LARP1: variants seen among roughly 807,000 people sequenced by gnomAD.
LARP1 encodes the protein La ribonucleoprotein 1, translational regulator, also known as la-related protein 1.
In LARP1, 36 loss-of-function variants were observed where a neutral mutation model predicts 122.7. The observed-to-expected ratio is 0.29, with a 90% confidence interval of 0.22 to 0.39. The LOEUF (loss-of-function observed/expected upper bound fraction) is 0.39, where lower values mean the gene tolerates loss of function less well. Among genes scored for constraint, LARP1 ranks in the 10% least tolerant of loss-of-function variants. LARP1 has a pLI of 1.00. For synonymous variants in LARP1, 539 were observed against 528.7 expected (o/e 1.02, Z -0.27); for missense variants, 1,040 against 1,403.6 (o/e 0.74, Z 4.14).
At chr5:154,727,292 G>A (rs1756280138) in intron 1 of LARP1, among the ~76,000 whole-genome samples, 1 of 151,966 alleles carries the variant, frequency 6.6e-6, no homozygotes. Context: ...ACGTAACTAG[G>A]GCCTATTATG....
At chr5:154,702,203 G>C (rs1172739963) in intron 1 of LARP1, among the ~76,000 whole-genome samples, 1 of 152,168 alleles carries the variant, frequency 6.6e-6, no homozygotes, top group African/African-American at 2.4e-5. Flanking sequence ...ATTCTGGCCA[G>C]GTTGGCCCCA....
chr5:154,738,736 A>G (rs894781374), intron 1 of LARP1, among the ~76,000 whole-genome samples: 16 of 152,094 alleles, frequency 1.1e-4, no homozygotes, highest in African/African-American at 3.9e-4. Flanking sequence ...ATGAGATAGG[A>G]CACAGATGTA....
At chr5:154,748,637 A>G (rs1753326290) in intron 1 of LARP1, among the ~76,000 whole-genome samples, 1 of 152,218 alleles carries the variant, frequency 6.6e-6, no homozygotes, top group African/African-American at 2.4e-5. Flanking sequence ...AATAAAAGTA[A>G]TGAAAGGGAA....
At chr5:154,767,208 G>T (rs936604640) in intron 1 of LARP1, among the ~76,000 whole-genome samples, 5 of 152,214 alleles carry the variant, frequency 3.3e-5, no homozygotes, top group African/African-American at 1.2e-4. Flanking sequence ...GCTATAGCTG[G>T]AGTGCCCACG....
At chr5:154,750,881 G>A (rs575985434), upstream of LARP1, among the ~76,000 whole-genome samples, 2 of 152,288 alleles carry the variant, frequency 1.3e-5, no homozygotes, top group Admixed American at 6.5e-5. Context: ...CCAAAGTGCC[G>A]GGATTACAGG....
In LARP1 at chr5:154,814,280, C is replaced by T. The variant is rs923229160; in HGVS notation, c.*184C>T. On this transcript the variant is annotated 3_prime_UTR_variant, in exon 19 of 19. Transcript: ENST00000518297. ...ATCAGAGGTACCCCTGGGCAGGAGC[C>T]TCTACATCCCCTTCCCCCTCCTCTC... 23 of 572,046 alleles carry T rather than the reference C, an allele frequency of 4.0e-5. No individual in the cohort carries two copies. Among genetic ancestry groups the T allele is most frequent in the African/African-American group, 3.4e-4 (18 of 53,254 alleles). 35.4% of individuals were successfully genotyped at this position (572,046 alleles called of 1,614,324 possible). A position where few individuals can be genotyped will look rare whatever the true frequency, so the allele number is the denominator to read the frequency against.
intron 1 of LARP1, among the ~76,000 whole-genome samples, chr5:154,783,190 A>C (rs1230327196): frequency 6.6e-6 from 1 of 152,138 alleles, no homozygotes; most frequent in African/African-American, 2.4e-5. Context: ...GGTGGGGCAC[A>C]ATCCATGTCA....
chr5:154,811,410 C>T (rs1256320365), intron 17 of LARP1, 54 bp downstream of exon 17: 1 of 1,608,352 alleles, frequency 6.2e-7, no homozygotes, highest in Non-Finnish European at 8.5e-7. Flanking sequence ...CCTCCTCTTC[C>T]CCAGTTGGAC....
chr5:154,811,791 A>C, intron 18 of LARP1, 151 bp downstream of exon 18: 1 of 881,240 alleles, frequency 1.1e-6, no homozygotes, highest in South Asian at 1.6e-5. Flanking sequence ...TCACCTTTAA[A>C]ATGGAGAGTG....
chr5:154,745,052 G>A (rs988275600), intron 1 of LARP1, among the ~76,000 whole-genome samples: 10 of 151,516 alleles, frequency 6.6e-5, no homozygotes, highest in East Asian at 2.0e-4. Flanking sequence ...TCAGCCTCCC[G>A]CATAGCTGGG....
At chr5:154,810,973 T>C (rs1759221560) in intron 16 of LARP1, among the ~76,000 whole-genome samples, 1 of 152,228 alleles carries the variant, frequency 6.6e-6, no homozygotes, top group African/African-American at 2.4e-5. Flanking sequence ...GTTCACTCTG[T>C]TATTGTAGCA....
At chr5:154,791,708 G>A (rs1444663526) in intron 3 of LARP1, among the ~76,000 whole-genome samples, 2 of 152,208 alleles carry the variant, frequency 1.3e-5, no homozygotes, top group African/African-American at 4.8e-5. Context: ...CTCAAGTCCT[G>A]TAGTTGGCCC....
chr5:154,768,667 C>T (rs1229995103), intron 1 of LARP1, among the ~76,000 whole-genome samples: 11 of 152,166 alleles, frequency 7.2e-5, no homozygotes, highest in African/African-American at 2.2e-4. Context: ...CTGCAACCTC[C>T]ACCTCCTGGG....
intron 16 of LARP1, among the ~76,000 whole-genome samples, chr5:154,809,870 T>C (rs980511246): frequency 3.3e-5 from 5 of 151,838 alleles, no homozygotes; most frequent in African/African-American, 1.2e-4. Flanking sequence ...CACGCCTGGC[T>C]AATTTTTTTT....
At chr5:154,810,248 C>G (rs56238056) in intron 16 of LARP1, among the ~76,000 whole-genome samples, 1 of 151,250 alleles carries the variant, frequency 6.6e-6, no homozygotes, top group Admixed American at 6.6e-5. Flanking sequence ...CCAGCCTGGC[C>G]AACATGGTGA....
upstream of LARP1, among the ~76,000 whole-genome samples, chr5:154,708,060 G>T (rs183106024): frequency 6.6e-6 from 1 of 152,268 alleles, no homozygotes; most frequent in Non-Finnish European, 1.5e-5. Context: ...CAAATGGGTC[G>T]CGGATCCATT....
chr5:154,738,622 C>G (rs1041502413), intron 1 of LARP1, among the ~76,000 whole-genome samples: 1 of 152,046 alleles, frequency 6.6e-6, no homozygotes. Context: ...GCAGCTGTTA[C>G]AGCAATGCCC....
intron 1 of LARP1, among the ~76,000 whole-genome samples, chr5:154,706,316 T>C (rs1317630036): frequency 1.3e-5 from 2 of 148,722 alleles, no homozygotes; most frequent in South Asian, 2.1e-4. Context: ...ATAATAATAA[T>C]AATAATAATA....
intron 1 of LARP1, among the ~76,000 whole-genome samples, chr5:154,780,823 A>G (rs1214504472): frequency 6.6e-6 from 1 of 152,194 alleles, no homozygotes; most frequent in African/African-American, 2.4e-5. Flanking sequence ...GTACCTTGGG[A>G]GGCTGAGGCG....
Sources: gnomAD v4.1 joint callset for allele counts (sites outside exome capture counted in the v4.1 genomes callset) on GRCh38, gnomAD v4.1.1 for gene constraint, MANE v1.5 for transcripts, NCBI Gene and HGNC (gene_info 2026-07-23, HGNC 2026-07-21) for gene names.